RBM20: variants seen among roughly 807,000 people sequenced by gnomAD.
RBM20 encodes the protein RNA binding motif protein 20.
Under a neutral mutation model 110.1 loss-of-function variants are expected in RBM20, and 51 were observed. That is an observed-to-expected ratio of 0.46 (90% CI 0.37 to 0.59). RBM20 has a LOEUF of 0.59. RBM20 is among the 20% of genes least tolerant of loss of function. The pLI is 0.00. For missense variants in RBM20, 1,512 were observed against 1,574.9 expected, an observed-to-expected ratio of 0.96 and a Z score of 0.68; for synonymous variants, 589 against 618.2, an observed-to-expected ratio of 0.95 and a Z score of 0.70.
At position 110,781,873 on chromosome 10, in the gene RBM20, T is replaced by C. The variant is rs1844357580; in HGVS notation, c.1264T>C (p.Phe422Leu). 2 of 1,551,552 alleles carry C rather than the reference T, an allele frequency of 1.3e-6. No homozygotes were observed. The change falls in exon 2 of 14, where the codon TTT becomes CTT. Residue 422 changes from phenylalanine to leucine, a missense_variant. Transcript: ENST00000369519. ...HICSICDKKVFDLKDWELHVK... is the reference protein window; with the variant it reads ...HICSICDKKVLDLKDWELHVK... ...CTGTAGCATCTGTGACAAGAAGGTG[T>C]TTGATTTGAAGGTGAGTTGTCCAAG...
chr10:110,679,458 C>T (rs1862389498), intron 1 of RBM20, among the ~76,000 whole-genome samples: 1 of 152,098 alleles, frequency 6.6e-6, no homozygotes, highest in Non-Finnish European at 1.5e-5. Flanking sequence ...TGGCCTCAAG[C>T]AATCCTCCTG....
intron 1 of RBM20, among the ~76,000 whole-genome samples, chr10:110,672,510 G>A (rs1285316695): frequency 6.6e-6 from 1 of 152,238 alleles, no homozygotes; most frequent in African/African-American, 2.4e-5. Flanking sequence ...TTCCGTGATC[G>A]TCAGCCAAAG....
chr10:110,656,831 C>T (rs1862032904), intron 1 of RBM20, among the ~76,000 whole-genome samples: 2 of 152,200 alleles, frequency 1.3e-5, no homozygotes, highest in African/African-American at 4.8e-5. Flanking sequence ...GAATAATACT[C>T]CATTGTATAG....
At chr10:110,786,771 G>A (rs898939475) in intron 5 of RBM20, among the ~76,000 whole-genome samples, 1 of 152,244 alleles carries the variant, frequency 6.6e-6, no homozygotes, top group Admixed American at 6.5e-5. Context: ...CCTGCCCTGA[G>A]ACCCCACTCC....
chr10:110,774,666 T>A (rs558552487), intron 1 of RBM20, among the ~76,000 whole-genome samples: 156 of 152,292 alleles, frequency 1.0e-3, no homozygotes, highest in Non-Finnish European at 1.7e-3. Flanking sequence ...TTTGTTTGTT[T>A]GTTTTTTGTT....
intron 1 of RBM20, among the ~76,000 whole-genome samples, chr10:110,767,286 G>A (rs1304163453): frequency 2.8e-5 from 4 of 142,302 alleles, no homozygotes; most frequent in South Asian, 2.3e-4. Flanking sequence ...CAGTAGGGGC[G>A]GCCGGGCAGA....
intron 9 of RBM20, among the ~76,000 whole-genome samples, chr10:110,817,990 A>G (rs1044528288): frequency 2.0e-5 from 3 of 152,216 alleles, no homozygotes; most frequent in Non-Finnish European, 4.4e-5. Flanking sequence ...AAGAAAATAC[A>G]GTGAAGAGGC....
chr10:110,680,880 C>G (rs1862414059), intron 1 of RBM20, among the ~76,000 whole-genome samples: 1 of 152,174 alleles, frequency 6.6e-6, no homozygotes, highest in Non-Finnish European at 1.5e-5. Flanking sequence ...CTCGTGTGCT[C>G]CCCTCTCCCC....
chr10:110,715,453 T>C (rs1329867658), intron 1 of RBM20, among the ~76,000 whole-genome samples: 1 of 152,220 alleles, frequency 6.6e-6, no homozygotes, highest in Admixed American at 6.5e-5. Context: ...TGTAGATGGC[T>C]CAGGCCATCA....
At chr10:110,778,338 A>G (rs1156583195) in intron 1 of RBM20, among the ~76,000 whole-genome samples, 3 of 152,222 alleles carry the variant, frequency 2.0e-5, no homozygotes, top group Non-Finnish European at 4.4e-5. Context: ...AAGGCATTTT[A>G]TCTGGCTCTC....
In RBM20 at chr10:110,809,218, T is replaced by TAAAAAAAAAAAAAAAAAAAAAA. The variant is rs60697105; in HGVS notation, c.1801-1151_1801-1150insAAAAAAAAAAAAAAAAAAAAAA. Among the ~76,000 whole-genome samples, 202 of 60,576 alleles carry TAAAAAAAAAAAAAAAAAAAAAA rather than the reference T, an allele frequency of 3.3e-3. 30 individuals are homozygous for TAAAAAAAAAAAAAAAAAAAAAA. Among genetic ancestry groups the TAAAAAAAAAAAAAAAAAAAAAA allele is most frequent in the East Asian group, 0.011 (14 of 1,242 alleles). The allele number at this position is 60,576 out of a possible 152,430, so 39.7% of individuals were successfully genotyped here. A position where few individuals can be genotyped will look rare whatever the true frequency, so the allele number is the denominator to read the frequency against. On this transcript the variant is annotated intron_variant, in intron 7 of 13. Transcript: ENST00000369519. ...AGTGACAGAGCAAGACCCCGTTTCT[T>TAAAAAAAAAAAAAAAAAAAAAA]AAAAAAAAAAAAAATTGCATGATTC...
intron 1 of RBM20, among the ~76,000 whole-genome samples, chr10:110,754,309 T>C (rs1453799868): frequency 1.3e-5 from 2 of 152,250 alleles, no homozygotes; most frequent in Non-Finnish European, 2.9e-5. Context: ...GTAACTACGA[T>C]GGGTCTAGGT....
intron 9 of RBM20, among the ~76,000 whole-genome samples, chr10:110,816,759 A>G (rs1844845803): frequency 6.6e-6 from 1 of 152,202 alleles, no homozygotes; most frequent in Admixed American, 6.5e-5. Flanking sequence ...TGTTGAAGGT[A>G]TGAAGGTTGG....
At chr10:110,655,880 A>G (rs1004188917) in intron 1 of RBM20, among the ~76,000 whole-genome samples, 1 of 142,810 alleles carries the variant, frequency 7.0e-6, no homozygotes, top group South Asian at 2.3e-4. Context: ...AGGTCTAATA[A>G]TAAAATTTAA....
intron 1 of RBM20, among the ~76,000 whole-genome samples, chr10:110,682,817 T>C (rs1478522328): frequency 6.6e-6 from 1 of 152,244 alleles, no homozygotes; most frequent in Non-Finnish European, 1.5e-5. Context: ...TTTTCAAACT[T>C]TCACCTGCTA....
intron 1 of RBM20, among the ~76,000 whole-genome samples, chr10:110,772,610 A>G (rs1169870988): frequency 1.3e-5 from 2 of 152,246 alleles, no homozygotes; most frequent in African/African-American, 2.4e-5. Context: ...GCAATAGGGT[A>G]TATCATATAG....
At chr10:110,650,608 ACTTG>A (rs72362506) in intron 1 of RBM20, among the ~76,000 whole-genome samples, 16,279 of 152,170 alleles carry the variant, frequency 0.11, 996 homozygotes, top group East Asian at 0.16. Context: ...TACCAGGGCC[ACTTG>A]CTTCTGCCTT....
intron 1 of RBM20, among the ~76,000 whole-genome samples, chr10:110,646,138 G>A (rs2134796200): frequency 6.6e-6 from 1 of 152,260 alleles, no homozygotes; most frequent in East Asian, 1.9e-4. Context: ...CTTGAAATCA[G>A]GCTGCATATG....
chr10:110,787,472 G>T (rs1430036569), intron 5 of RBM20, among the ~76,000 whole-genome samples: 2 of 152,218 alleles, frequency 1.3e-5, no homozygotes, highest in African/African-American at 4.8e-5. Context: ...GCTGTCTAAG[G>T]CTGGCTCTGT....
Sources: gnomAD v4.1 joint callset for allele counts (sites outside exome capture counted in the v4.1 genomes callset) on GRCh38, gnomAD v4.1.1 for gene constraint, MANE v1.5 for transcripts, NCBI Gene and HGNC (gene_info 2026-07-23, HGNC 2026-07-21) for gene names.